Variants in ARK2C observed in about 807,000 individuals in gnomAD.
The protein encoded by ARK2C is E3 ubiquitin-protein ligase ARK2C.
chr18:46,457,301 T>C, the ARK2C span: 1 of 152,378 alleles, frequency 6.6e-6, no homozygotes, highest in Non-Finnish European at 1.5e-5. Flanking sequence ...TTTCACCCAA[T>C]TTGGGAGGCG....
the ARK2C span, among the ~76,000 whole-genome samples, chr18:46,375,187 C>A: frequency 1.3e-5 from 2 of 152,368 alleles, no homozygotes; most frequent in Non-Finnish European, 2.9e-5. Flanking sequence ...GCCGCCCTGG[C>A]CGCATTCTTT....
chr18:46,374,769 G>T, the ARK2C span, among the ~76,000 whole-genome samples: 8 of 151,952 alleles, frequency 5.3e-5, no homozygotes, highest in Middle Eastern at 3.4e-3. Flanking sequence ...TGGCTGAACT[G>T]GGGGGGCTAG....
chr18:46,433,992 A>T, the ARK2C span, among the ~76,000 whole-genome samples: 1 of 152,202 alleles, frequency 6.6e-6, no homozygotes, highest in Non-Finnish European at 1.5e-5. Context: ...TCCCACCCTC[A>T]AGAATTCTCA....
the ARK2C span, among the ~76,000 whole-genome samples, chr18:46,412,455 A>G: frequency 2.6e-5 from 4 of 152,266 alleles, no homozygotes; most frequent in Non-Finnish European, 5.9e-5. Context: ...CTCTGAAAAC[A>G]GAGCAGAAAG....
the ARK2C span, among the ~76,000 whole-genome samples, chr18:46,387,330 C>T: frequency 1.3e-5 from 2 of 152,226 alleles, no homozygotes; most frequent in Non-Finnish European, 2.9e-5. Context: ...CCCCATCCTC[C>T]ATGATTCCAG....
chr18:46,414,960 G>A, the ARK2C span, among the ~76,000 whole-genome samples: 6 of 152,302 alleles, frequency 3.9e-5, no homozygotes, highest in African/African-American at 4.8e-5. Context: ...GAGCTAAGCC[G>A]CAGTCCTGCT....
chr18:46,370,531 A>T, the ARK2C span, among the ~76,000 whole-genome samples: 1 of 152,074 alleles, frequency 6.6e-6, no homozygotes. Context: ...TGTAGGGAAA[A>T]CATTGTGTTC....
the ARK2C span, chr18:46,335,865 C>CTT: frequency 1.0e-6 from 1 of 971,764 alleles, no homozygotes; most frequent in Non-Finnish European, 1.2e-6. Flanking sequence ...TTTATCAAAT[C>CTT]TTTTTTTTTC....
chr18:46,360,249 G>A, the ARK2C span, among the ~76,000 whole-genome samples: 1 of 152,196 alleles, frequency 6.6e-6, no homozygotes, highest in African/African-American at 2.4e-5. Flanking sequence ...GGGTGCTGAT[G>A]GTGTTGGAGG....
At chr18:46,403,425 C>T in the ARK2C span, among the ~76,000 whole-genome samples, 1 of 152,220 alleles carries the variant, frequency 6.6e-6, no homozygotes, top group Admixed American at 6.5e-5. Context: ...TCAACCCATA[C>T]TCACTGGGCC....
chr18:46,425,378 C>A, the ARK2C span, among the ~76,000 whole-genome samples: 1 of 152,242 alleles, frequency 6.6e-6, no homozygotes, highest in East Asian at 1.9e-4. Flanking sequence ...AGGCCATCAT[C>A]CCTGGGGTAG....
chr18:46,443,836 T>G, the ARK2C span, among the ~76,000 whole-genome samples: 7 of 152,234 alleles, frequency 4.6e-5, no homozygotes, highest in African/African-American at 1.7e-4. Context: ...GATTATCATT[T>G]CTGGCACTCT....
At chr18:46,440,392 T>TA in the ARK2C span, among the ~76,000 whole-genome samples, 1 of 152,232 alleles carries the variant, frequency 6.6e-6, no homozygotes, top group Non-Finnish European at 1.5e-5. Context: ...AATTTATAAA[T>TA]TAAGCTTTAT....
the ARK2C span, chr18:46,447,742 G>C: frequency 1.9e-6 from 3 of 1,612,004 alleles, no homozygotes; most frequent in African/African-American, 4.0e-5. Context: ...GCCAGTGGTG[G>C]TCTGAGGCCT....
chr18:46,415,208 C>G, the ARK2C span, among the ~76,000 whole-genome samples: 3 of 152,304 alleles, frequency 2.0e-5, no homozygotes, highest in South Asian at 6.2e-4. Flanking sequence ...AGCCCCAAGG[C>G]AGTGACCTTA....
chr18:46,414,407 T>G, the ARK2C span, among the ~76,000 whole-genome samples: 11 of 152,366 alleles, frequency 7.2e-5, no homozygotes, highest in African/African-American at 2.4e-4. Context: ...TGGGGCAGGT[T>G]GTGGAGACTC....
At chr18:46,346,957 G>A in the ARK2C span, among the ~76,000 whole-genome samples, 3 of 152,214 alleles carry the variant, frequency 2.0e-5, no homozygotes, top group Non-Finnish European at 4.4e-5. Flanking sequence ...GGAGACCCCC[G>A]AACACTCCTG....
chr18:46,393,263 G>A, the ARK2C span, among the ~76,000 whole-genome samples: 1 of 152,210 alleles, frequency 6.6e-6, no homozygotes, highest in African/African-American at 2.4e-5. Context: ...ATCCACTTAA[G>A]TTTGCGGAAA....
chr18:46,376,675 T>C, the ARK2C span, among the ~76,000 whole-genome samples: 2 of 138,460 alleles, frequency 1.4e-5, no homozygotes, highest in Non-Finnish European at 3.1e-5. Context: ...TTTTTTTTTT[T>C]TTTTTTTTTT....
Sources: allele counts gnomAD v4.1 joint callset (sites outside exome capture counted in the v4.1 genomes callset), GRCh38; gene constraint gnomAD v4.1.1; transcripts MANE v1.5; gene names NCBI Gene and HGNC (gene_info 2026-07-23, HGNC 2026-07-21).